Variants in LRRC43 observed in about 807,000 individuals in gnomAD.
The protein encoded by LRRC43 is leucine-rich repeat-containing protein 43.
LRRC43 carries 62 observed loss-of-function variants against 64.3 expected under a neutral mutation model. The observed-to-expected ratio is 0.96, with a 90% confidence interval of 0.79 to 1.19. LRRC43 has a LOEUF of 1.19. Among genes scored for constraint, LRRC43 ranks in the 50% most tolerant of loss-of-function variants. The pLI is 0.00. For synonymous variants in LRRC43, 422 were observed against 382.3 expected, an observed-to-expected ratio of 1.10 and a Z score of -1.21; for missense variants, 868 against 845.0, an observed-to-expected ratio of 1.03 and a Z score of -0.34.
intron 11 of LRRC43, among the ~76,000 whole-genome samples, chr12:122,202,881 C>T (rs1697283601): frequency 6.6e-6 from 1 of 152,118 alleles, no homozygotes; most frequent in Non-Finnish European, 1.5e-5. Flanking sequence ...CACTTGAGGT[C>T]AGGAGTTCGA....
In LRRC43 at chr12:122,200,693, G is replaced by T; in HGVS notation, c.1620+33G>T. The T allele has an allele frequency of 6.2e-7, 1 of 1,613,352 alleles. No homozygotes were observed. Among genetic ancestry groups the T allele is most frequent in the Non-Finnish European group, 8.5e-7 (1 of 1,179,866 alleles). ...GCCTTGGTGCTGGGGAGGGCAGCCT[G>T]GCCACACCCTTGCTTCAACTTGTCC... On this transcript the variant is annotated intron_variant, in intron 9 of 11. Coordinates refer to ENST00000339777, the MANE Select transcript of LRRC43 (RefSeq NM_001098519.2). The surrounding 1 kb of genome is among the most constrained non-coding windows in gnomAD (Gnocchi z 4.6).
chr12:122,188,867 A>G (rs1953678726), intron 4 of LRRC43, among the ~76,000 whole-genome samples: 1 of 152,208 alleles, frequency 6.6e-6, no homozygotes, highest in South Asian at 2.1e-4. Context: ...CTGCACCCGC[A>G]GATGCCAGGA....
intron 5 of LRRC43, 121 bp from the exon 6 acceptor site, chr12:122,191,259 C>G (rs1019114241): frequency 2.2e-5 from 18 of 816,256 alleles, no homozygotes; most frequent in Admixed American, 8.7e-5. Flanking sequence ...GACCGCCCCA[C>G]CAAGGCTCAG....
chr12:122,199,033 A>G (rs921204299), intron 7 of LRRC43, among the ~76,000 whole-genome samples: 2 of 148,614 alleles, frequency 1.3e-5, no homozygotes, highest in African/African-American at 2.5e-5. Flanking sequence ...GCTGGAGTGC[A>G]GTGGCGCGAT....
intron 7 of LRRC43, among the ~76,000 whole-genome samples, chr12:122,199,490 G>T (rs933269553): frequency 1.3e-5 from 2 of 151,438 alleles, no homozygotes; most frequent in Non-Finnish European, 2.9e-5. Flanking sequence ...CACTGTGTTA[G>T]CCAGCATGGT....
At chr12:122,190,410 C>T (rs769489309) in intron 5 of LRRC43, 42 bp downstream of exon 5, 2 of 1,519,454 alleles carry the variant, frequency 1.3e-6, no homozygotes, top group South Asian at 1.2e-5. Context: ...CATGTGACAC[C>T]CCAGCCTGCG....
At chr12:122,176,677 CAG>C (rs1329721984) in intron 1 of LRRC43, among the ~76,000 whole-genome samples, 6 of 150,766 alleles carry the variant, frequency 4.0e-5, no homozygotes, top group African/African-American at 1.2e-4. Flanking sequence ...TTTCTTAAGA[CAG>C]AGTCTCACTT....
At chr12:122,189,824 G>A (rs1310530597) in intron 4 of LRRC43, among the ~76,000 whole-genome samples, 4 of 152,252 alleles carry the variant, frequency 2.6e-5, no homozygotes, top group Non-Finnish European at 5.9e-5. Context: ...GACGCACGCA[G>A]TGCGCGAGGC....
intron 1 of LRRC43, chr12:122,172,835 T>C: frequency 1.0e-6 from 1 of 969,948 alleles, no homozygotes; most frequent in Non-Finnish European, 1.5e-6. Context: ...GTAACCCGCC[T>C]CGTTGATATA....
chr12:122,184,655 C>G lies in LRRC43; in HGVS notation c.287C>G (p.Ala96Gly), dbSNP rs1382412123. ...GLVRSRHSPW[A>G]LLNNSNAEDS... ...GTCCGCAGCCGCCACTCCCCCTGGG[C>G]TCTGCTGAACAACTCGAATGCAGAA... Residue 96 changes from alanine to glycine, a missense_variant, in exon 2 of 12, where the codon GCT becomes GGT. Transcript: ENST00000339777. This position sits in a 1 kb window ranked among gnomAD's most constrained non-coding sequence, Gnocchi z 4.0. 1 of 1,614,020 alleles carries G rather than the reference C, an allele frequency of 6.2e-7. No homozygotes were observed. The highest frequency in any genetic ancestry group is 1.7e-5 in the Admixed American group (1 of 60,018).
At chr12:122,196,913 T>C (rs1397538991) in intron 7 of LRRC43, among the ~76,000 whole-genome samples, 1 of 152,012 alleles carries the variant, frequency 6.6e-6, no homozygotes, top group Non-Finnish European at 1.5e-5. Flanking sequence ...ACTTAGAAAG[T>C]GTGGGAAACA....
intron 7 of LRRC43, among the ~76,000 whole-genome samples, chr12:122,198,518 A>C (rs577891358): frequency 1.3e-5 from 2 of 151,048 alleles, no homozygotes; most frequent in South Asian, 4.2e-4. Flanking sequence ...TTTCATATGG[A>C]TGGAATCACA....
chr12:122,184,851 CT>C lies in LRRC43; in HGVS notation c.411+74del. ...TAAGGGAGGTTGTGGGGAGGGCACC[CT>C]TCCCCACAGCGCGTCAGGGATCCTG... is the stretch of plus-strand genomic sequence containing the variant. On this transcript the variant is annotated intron_variant, in intron 2 of 11. Transcript: ENST00000339777. The surrounding 1 kb of genome is among the most constrained non-coding windows in gnomAD (Gnocchi z 4.0). 2 of 1,501,666 alleles carry C rather than the reference CT, an allele frequency of 1.3e-6. No individual in the cohort carries two copies. The highest frequency in any genetic ancestry group is 1.8e-6 in the Non-Finnish European group (2 of 1,106,672). The allele number at this position is 1,501,666 out of a possible 1,614,324, so 93.0% of individuals were successfully genotyped here.
At chr12:122,172,490 A>G in intron 1 of LRRC43, 1 of 1,614,130 alleles carries the variant, frequency 6.2e-7, no homozygotes, top group South Asian at 1.1e-5. Flanking sequence ...GTTGAGAAAT[A>G]GTCAGGATGA....
At chr12:122,203,016 G>C (rs905752700) in intron 11 of LRRC43, among the ~76,000 whole-genome samples, 4 of 152,116 alleles carry the variant, frequency 2.6e-5, no homozygotes, top group African/African-American at 9.7e-5. Flanking sequence ...GCTTGAACCT[G>C]GGAGGCGGAG....
intron 5 of LRRC43, among the ~76,000 whole-genome samples, chr12:122,191,025 G>A (rs955802530): frequency 1.3e-5 from 2 of 152,142 alleles, no homozygotes; most frequent in Non-Finnish European, 2.9e-5. Flanking sequence ...ATTTCAATCA[G>A]CTTCTTCACC....
intron 2 of LRRC43, among the ~76,000 whole-genome samples, chr12:122,185,189 G>A (rs547262333): frequency 1.2e-3 from 184 of 152,306 alleles, no homozygotes; most frequent in African/African-American, 4.3e-3. Context: ...GCAGAGCCCA[G>A]TCTCGGCATG....
upstream of LRRC43, chr12:122,183,112 T>G (rs770980553): frequency 6.6e-7 from 1 of 1,525,508 alleles, no homozygotes; most frequent in South Asian, 1.2e-5. Context: ...CGCGCACGCG[T>G]CCTAGCGGTT....
intron 1 of LRRC43, among the ~76,000 whole-genome samples, chr12:122,175,097 C>T (rs1409877247): frequency 2.0e-5 from 3 of 152,092 alleles, no homozygotes; most frequent in African/African-American, 7.2e-5. Context: ...GCCTCGGCTT[C>T]CCAAAGTGCT....
Sources: gnomAD v4.1 joint callset for allele counts (sites outside exome capture counted in the v4.1 genomes callset) on GRCh38, gnomAD v4.1.1 for gene constraint, Gnocchi (gnomAD v3.1) non-coding constraint, MANE v1.5 for transcripts, NCBI Gene and HGNC (gene_info 2026-07-23, HGNC 2026-07-21) for gene names.